Variants in REDIC1 observed in about 807,000 individuals in gnomAD.
REDIC1 encodes the protein regulator of DNA class I crossover intermediates 1, also known as HEI10 Interacting Protein 1.
the REDIC1 span, chr12:39,684,878 C>T: frequency 1.2e-6 from 2 of 1,610,610 alleles, no homozygotes; most frequent in African/African-American, 2.7e-5. Flanking sequence ...GGAAATATAC[C>T]TTCGGAAGAA....
At chr12:39,706,412 A>G in the REDIC1 span, among the ~76,000 whole-genome samples, 2 of 152,022 alleles carry the variant, frequency 1.3e-5, no homozygotes, top group African/African-American at 4.8e-5. Context: ...TGCAATCACT[A>G]TCAAAATACC....
At chr12:39,897,531 C>T in the REDIC1 span, among the ~76,000 whole-genome samples, 3 of 152,158 alleles carry the variant, frequency 2.0e-5, no homozygotes, top group African/African-American at 4.8e-5. Flanking sequence ...ACTGTGTAAT[C>T]GATCCCTGTG....
the REDIC1 span, among the ~76,000 whole-genome samples, chr12:39,702,488 T>G: frequency 2.6e-5 from 4 of 152,112 alleles, no homozygotes; most frequent in Admixed American, 2.0e-4. Context: ...GATTCACAGC[T>G]GAATTCTACC....
At chr12:39,723,027 C>A in the REDIC1 span, among the ~76,000 whole-genome samples, 1 of 152,016 alleles carries the variant, frequency 6.6e-6, no homozygotes. Flanking sequence ...TGATTGAGAC[C>A]CAGTAAAGAC....
At chr12:39,769,289 A>G in the REDIC1 span, among the ~76,000 whole-genome samples, 1 of 152,034 alleles carries the variant, frequency 6.6e-6, no homozygotes. Context: ...TCTGTTTCCT[A>G]TGTGACGAAC....
At chr12:39,896,408 ATATG>A in the REDIC1 span, among the ~76,000 whole-genome samples, 42 of 127,666 alleles carry the variant, frequency 3.3e-4, no homozygotes, top group African/African-American at 1.2e-3. Flanking sequence ...ATGTATACAT[ATATG>A]TATGTATATG....
At chr12:39,879,515 G>A in the REDIC1 span, among the ~76,000 whole-genome samples, 1 of 152,232 alleles carries the variant, frequency 6.6e-6, no homozygotes, top group Non-Finnish European at 1.5e-5. Context: ...CATGCAGTCA[G>A]AGGAGATTAT....
chr12:39,718,995 A>T, the REDIC1 span, among the ~76,000 whole-genome samples: 1 of 152,164 alleles, frequency 6.6e-6, no homozygotes, highest in African/African-American at 2.4e-5. Flanking sequence ...TCCTGCACCC[A>T]CATAAAAGCT....
chr12:39,631,574 A>G, the REDIC1 span, among the ~76,000 whole-genome samples: 1 of 152,128 alleles, frequency 6.6e-6, no homozygotes, highest in African/African-American at 2.4e-5. Context: ...GTCAAGTTTT[A>G]TCTTGTAAAA....
chr12:39,708,541 A>G, the REDIC1 span, among the ~76,000 whole-genome samples: 1 of 151,854 alleles, frequency 6.6e-6, no homozygotes, highest in Non-Finnish European at 1.5e-5. Flanking sequence ...TTCTTCTAGT[A>G]CTAATATGCT....
At chr12:39,828,273 T>C in the REDIC1 span, among the ~76,000 whole-genome samples, 2 of 152,178 alleles carry the variant, frequency 1.3e-5, no homozygotes, top group East Asian at 3.8e-4. Context: ...TTTCTTTTTT[T>C]GTAAAGAGTT....
At chr12:39,835,436 A>G in the REDIC1 span, among the ~76,000 whole-genome samples, 4 of 152,128 alleles carry the variant, frequency 2.6e-5, no homozygotes, top group African/African-American at 9.6e-5. Context: ...CTCTACATTA[A>G]GAAACTTTAC....
chr12:39,655,191 T>C, the REDIC1 span, among the ~76,000 whole-genome samples: 1 of 152,168 alleles, frequency 6.6e-6, no homozygotes, highest in African/African-American at 2.4e-5. Flanking sequence ...TTAATCAATT[T>C]TCTCAATTGT....
At chr12:39,757,188 T>A in the REDIC1 span, 1 of 151,852 alleles carries the variant, frequency 6.6e-6, no homozygotes, top group African/African-American at 2.4e-5. Flanking sequence ...AATAGGGATT[T>A]GGACCTTCTT....
At chr12:39,842,277 C>T in the REDIC1 span, among the ~76,000 whole-genome samples, 284 of 152,154 alleles carry the variant, frequency 1.9e-3, no homozygotes, top group African/African-American at 6.6e-3. Context: ...TGGTCTTTTC[C>T]GGTATCCTGG....
At chr12:39,664,726 C>A in the REDIC1 span, among the ~76,000 whole-genome samples, 1 of 152,208 alleles carries the variant, frequency 6.6e-6, no homozygotes, top group Non-Finnish European at 1.5e-5. Context: ...TCCATATCCT[C>A]TCCAGCATCT....
At chr12:39,711,592 T>TGTGTATACACATGCATGTGC in the REDIC1 span, among the ~76,000 whole-genome samples, 1 of 13,450 alleles carries the variant, frequency 7.4e-5, no homozygotes, top group African/African-American at 1.6e-4. Flanking sequence ...TGCATGTGTA[T>TGTGTATACACATGCATGTGC]ATGTGTATAC....
chr12:39,751,283 G>A, the REDIC1 span, among the ~76,000 whole-genome samples: 12 of 152,154 alleles, frequency 7.9e-5, no homozygotes, highest in Non-Finnish European at 1.5e-4. Context: ...TATGCAGCCA[G>A]CAGACACATG....
chr12:39,626,230 A>T, the REDIC1 span: 7 of 1,251,752 alleles, frequency 5.6e-6, no homozygotes, highest in Non-Finnish European at 8.0e-6. Flanking sequence ...TCGGGCCCTG[A>T]CGTTGTCAGG....
Sources: gnomAD v4.1 joint callset for allele counts (sites outside exome capture counted in the v4.1 genomes callset) on GRCh38, gnomAD v4.1.1 for gene constraint, MANE v1.5 for transcripts, NCBI Gene and HGNC (gene_info 2026-07-23, HGNC 2026-07-21) for gene names.